MGMT: variants seen among roughly 807,000 people sequenced by gnomAD.
MGMT encodes methylated-DNA--protein-cysteine methyltransferase.
MGMT carries 14 observed loss-of-function variants against 15.9 expected under a neutral mutation model. That is an observed-to-expected ratio of 0.88 (90% CI 0.58 to 1.37). MGMT has a LOEUF of 1.37. Among genes scored for constraint, MGMT ranks in the 40% most tolerant of loss-of-function variants. The probability of loss-of-function intolerance (pLI) is 0.00; values close to 1 mark genes in which losing one functional copy is unlikely to be tolerated. For missense variants in MGMT, 282 were observed against 268.1 expected (o/e 1.05, Z -0.36); for synonymous variants, 130 against 118.2 (o/e 1.10, Z -0.65).
chr10:129,657,674 A>ACAC (rs71478948), intron 2 of MGMT, among the ~76,000 whole-genome samples: 1 of 93,458 alleles, frequency 1.1e-5, no homozygotes, highest in African/African-American at 3.6e-5. Flanking sequence ...CAGCTCCTCC[A>ACAC]ACACACACAC....
At chr10:129,609,856 T>C (rs534248167) in intron 2 of MGMT, among the ~76,000 whole-genome samples, 1 of 152,032 alleles carries the variant, frequency 6.6e-6, no homozygotes, top group Admixed American at 6.5e-5. Context: ...CAGGCGGCAA[T>C]GGTGGAGGCG....
intron 1 of MGMT, among the ~76,000 whole-genome samples, chr10:129,472,922 TCTGCCAC>T (rs1845248950): frequency 1.3e-5 from 2 of 152,244 alleles, no homozygotes; most frequent in South Asian, 4.1e-4. Context: ...GGCTACTGGC[TCTGCCAC>T]CTGCTTCTGT....
At chr10:129,574,149 T>C (rs12251687) in intron 2 of MGMT, among the ~76,000 whole-genome samples, 7,325 of 152,310 alleles carry the variant, frequency 0.048, 619 homozygotes, top group African/African-American at 0.17. Flanking sequence ...TTGGAGAGTT[T>C]CATGTGCTAA....
intron 2 of MGMT, among the ~76,000 whole-genome samples, chr10:129,658,320 C>T (rs926116997): frequency 1.3e-5 from 2 of 152,166 alleles, no homozygotes; most frequent in African/African-American, 4.8e-5. Flanking sequence ...GCCTTGCCAC[C>T]TTAAAACAGA....
rs149796143 is a variant in MGMT at position 129,719,051 on chromosome 10, G to A, written c.274+11008G>A. Among the ~76,000 whole-genome samples the A allele has an allele frequency of 1.8e-3, 279 of 151,718 alleles. 1 individual carries two copies. The highest frequency in any genetic ancestry group is 4.5e-3 in the African/African-American group (185 of 41,286). On this transcript the variant is annotated intron_variant, in intron 3 of 4. Coordinates refer to ENST00000651593, the MANE Select transcript of MGMT (RefSeq NM_002412.5). ...AGCCGGTCCGTCTGCCTGCTCAGGC[G>A]TGTCACCGTCCCAGGCTGTCCAGAG...
Position 129,759,796 on chromosome 10 carries a change from A to G in MGMT, c.414+455A>G, listed in dbSNP as rs931308714. 4.6e-5 allele frequency among the ~76,000 whole-genome samples: 7 copies of G among 151,454 alleles called. No homozygotes were observed. The East Asian group carries it at 1.4e-3, about 30-fold the overall frequency. ...ATGGCCAAGCAAGGGTGCACATCCA[A>G]CCCCATCTCTCTGTGGGCTGCACTC... On this transcript the variant is annotated intron_variant, in intron 4 of 4. Transcript: ENST00000651593.
At chr10:129,726,988 A>G (rs891164917) in intron 3 of MGMT, among the ~76,000 whole-genome samples, 1 of 152,212 alleles carries the variant, frequency 6.6e-6, no homozygotes, top group African/African-American at 2.4e-5. Context: ...GGTGTAATAT[A>G]CCTGGTATTA....
At chr10:129,589,460 C>T (rs537075280) in intron 2 of MGMT, among the ~76,000 whole-genome samples, 6 of 152,334 alleles carry the variant, frequency 3.9e-5, no homozygotes, top group South Asian at 2.1e-4. Flanking sequence ...GATTCTCAGT[C>T]GCATTGTGGC....
chr10:129,735,410 C>A (rs1397743984), intron 3 of MGMT, among the ~76,000 whole-genome samples: 1 of 152,072 alleles, frequency 6.6e-6, no homozygotes, highest in African/African-American at 2.4e-5. Flanking sequence ...GATGATATCC[C>A]CTTTATCATT....
chr10:129,625,899 CT>C (rs1847142842), intron 2 of MGMT, among the ~76,000 whole-genome samples: 1 of 152,140 alleles, frequency 6.6e-6, no homozygotes, highest in South Asian at 2.1e-4. Context: ...CTCTAAATCC[CT>C]TTTTGATATT....
At chr10:129,684,045 TCC>T in intron 2 of MGMT, among the ~76,000 whole-genome samples, 1 of 152,344 alleles carries the variant, frequency 6.6e-6, no homozygotes, top group East Asian at 1.9e-4. Flanking sequence ...CAGAGGCTGG[TCC>T]CCTCTGTATT....
chr10:129,694,168 G>C (rs928348950), intron 2 of MGMT: 2 of 152,272 alleles, frequency 1.3e-5, no homozygotes, highest in Non-Finnish European at 2.9e-5. Context: ...TCAGCGGGAG[G>C]CTCCCTGTCT....
intron 1 of MGMT, among the ~76,000 whole-genome samples, chr10:129,527,205 T>C (rs1355359225): frequency 6.6e-6 from 1 of 152,236 alleles, no homozygotes; most frequent in Admixed American, 6.5e-5. Flanking sequence ...CTGAGTCCAC[T>C]GGATGCCTGC....
chr10:129,517,298 T>C (rs148305820), intron 1 of MGMT, among the ~76,000 whole-genome samples: 1,524 of 152,300 alleles, frequency 0.01, 10 homozygotes, highest in Middle Eastern at 0.037. Flanking sequence ...AGTAATGGGA[T>C]GGGTGGGTGT....
chr10:129,485,086 A>T lies in MGMT; in HGVS notation c.-13+17790A>T, dbSNP rs886681447. On this transcript the variant is annotated intron_variant, in intron 1 of 4. Coordinates refer to ENST00000651593, the MANE Select transcript of MGMT (RefSeq NM_002412.5). ...CCACACTGGCTGGTGAGAACATGAA[A>T]TATTCCCAGCTCTGTCTGTGATCAG... Among the ~76,000 whole-genome samples, 4 of 152,234 alleles carry T rather than the reference A, an allele frequency of 2.6e-5. No homozygotes were observed. The East Asian group carries it at 5.8e-4, about 22-fold the overall frequency.
At chr10:129,485,897 A>G (rs1762424) in intron 1 of MGMT, among the ~76,000 whole-genome samples, 151,772 of 152,324 alleles carry the variant, frequency 1, 75,614 homozygotes, top group Middle Eastern at 1. Flanking sequence ...ACTTTTTACC[A>G]GCCTGAAGTG....
At chr10:129,594,231 C>T (rs1846724406) in intron 2 of MGMT, among the ~76,000 whole-genome samples, 1 of 152,104 alleles carries the variant, frequency 6.6e-6, no homozygotes, top group Non-Finnish European at 1.5e-5. Context: ...CTTAAGCTTT[C>T]CTTTTGCATA....
At chr10:129,583,048 A>C (rs1403923784) in intron 2 of MGMT, among the ~76,000 whole-genome samples, 1 of 152,202 alleles carries the variant, frequency 6.6e-6, no homozygotes, top group East Asian at 1.9e-4. Flanking sequence ...TTGAGGGAAA[A>C]AAATCTTATA....
intron 2 of MGMT, among the ~76,000 whole-genome samples, chr10:129,663,930 G>A (rs1847628095): frequency 1.3e-5 from 2 of 152,110 alleles, no homozygotes; most frequent in South Asian, 4.1e-4. Flanking sequence ...AAAAGCATAA[G>A]AAATGAAGGG....
Sources: gnomAD v4.1 joint callset for allele counts (sites outside exome capture counted in the v4.1 genomes callset) on GRCh38, gnomAD v4.1.1 for gene constraint, MANE v1.5 for transcripts, NCBI Gene and HGNC (gene_info 2026-07-23, HGNC 2026-07-21) for gene names.